The following PGM3 variants were observed in gnomAD, a reference collection of about 807,000 sequenced individuals.
The protein encoded by PGM3 is phosphoglucomutase 3.
In PGM3, 40 loss-of-function variants were observed where a neutral mutation model predicts 66.2. The ratio of observed to expected loss-of-function variants is 0.60; its 90% CI spans 0.47 to 0.79. PGM3 has a LOEUF of 0.79. PGM3 is among the 30% of genes least tolerant of loss of function. The pLI is 0.00. For missense variants in PGM3, 537 were observed against 643.4 expected, an observed-to-expected ratio of 0.83 and a Z score of 1.79; for synonymous variants, 191 against 224.2, an observed-to-expected ratio of 0.85 and a Z score of 1.32.
In PGM3 at chr6:83,182,923, C is replaced by A; in HGVS notation, c.513G>T (p.Thr171=). ...QLHYMVYCRN[T]GGRYGKATIE... is the part of the protein sequence containing the mutation. ...TAGTTGCCTTTCCATATCGGCCACCCGTGTTTCGACAATACACCATGTAGT... is the reference window on the plus strand; with the variant it reads ...TAGTTGCCTTTCCATATCGGCCACCAGTGTTTCGACAATACACCATGTAGT... The change falls in exon 5 of 13, where the codon ACG becomes ACT. Residue 171 remains threonine, a synonymous_variant. Transcript: ENST00000513973. 1 of 1,613,846 alleles carries A rather than the reference C, an allele frequency of 6.2e-7. No individual in the cohort carries two copies. Among genetic ancestry groups the A allele is most frequent in the Non-Finnish European group, 8.5e-7 (1 of 1,179,798 alleles).
At chr6:83,173,095 C>T (rs922973889) in intron 10 of PGM3, among the ~76,000 whole-genome samples, 1 of 152,168 alleles carries the variant, frequency 6.6e-6, no homozygotes, top group African/African-American at 2.4e-5. Flanking sequence ...CAAGATGTCA[C>T]ATTATATATA....
the PGM3 span, among the ~76,000 whole-genome samples, chr6:83,155,156 T>C: frequency 6.6e-6 from 1 of 152,014 alleles, no homozygotes; most frequent in Non-Finnish European, 1.5e-5. Context: ...ATTCCAGGAA[T>C]AGGGAACAAG....
intron 6 of PGM3, among the ~76,000 whole-genome samples, chr6:83,180,609 G>A (rs1788107756): frequency 6.6e-6 from 1 of 152,176 alleles, no homozygotes; most frequent in Non-Finnish European, 1.5e-5. Context: ...TCATAAGATT[G>A]ATGAAAGGAC....
chr6:83,162,253 TTTAC>T (rs1395655532), downstream of PGM3, among the ~76,000 whole-genome samples: 3 of 152,138 alleles, frequency 2.0e-5, no homozygotes, highest in South Asian at 2.1e-4. Flanking sequence ...GGATATTACT[TTTAC>T]TTACTTATGA....
intron 3 of PGM3, 61 bp from the exon 4 acceptor site, chr6:83,187,136 C>A: frequency 9.1e-7 from 1 of 1,094,386 alleles, no homozygotes; most frequent in South Asian, 1.3e-5. Flanking sequence ...GTTGCTGGTT[C>A]TGCAAGCAAA....
At chr6:83,179,504 T>C (rs1187079348) in intron 7 of PGM3, among the ~76,000 whole-genome samples, 4 of 152,108 alleles carry the variant, frequency 2.6e-5, no homozygotes, top group Non-Finnish European at 5.9e-5. Context: ...TATTAGAATT[T>C]AGGGCTTTTA....
At chr6:83,193,592 T>A (rs2128516068), upstream of PGM3, 1 of 151,956 alleles carries the variant, frequency 6.6e-6, no homozygotes. Flanking sequence ...TTCCTAGTGG[T>A]CTTGGCTAGG....
chr6:83,160,711 T>C (rs188358690), downstream of PGM3, among the ~76,000 whole-genome samples: 1 of 152,282 alleles, frequency 6.6e-6, no homozygotes, highest in East Asian at 1.9e-4. Context: ...TAAGATTGTT[T>C]TATCAAAATG....
rs529906310 is a variant in PGM3 at position 83,170,334 on chromosome 6, C to T, written c.1510G>A (p.Val504Ile). The T allele has an allele frequency of 6.9e-5, 112 of 1,614,136 alleles. No individual in the cohort carries two copies. The highest frequency in any genetic ancestry group is 3.1e-4 in the East Asian group (14 of 44,878). The change falls in exon 12 of 13, where the codon GTC becomes ATC. Residue 504 changes from valine to isoleucine, a missense_variant. Transcript: ENST00000513973. ...GAGTCTGCTTCTGCATATACTCGGA[C>T]GACATCTTCTGTACCAGAGGGCCGG... ...FVRPSGTEDV[V>I]RVYAEADSQE...
At chr6:83,174,909 G>A (rs905509443) in intron 9 of PGM3, among the ~76,000 whole-genome samples, 1 of 152,162 alleles carries the variant, frequency 6.6e-6, no homozygotes, top group African/African-American at 2.4e-5. Flanking sequence ...TTAAGGGGAT[G>A]AGCTAGGCAA....
chr6:83,171,256 A>G (rs1040363631), intron 11 of PGM3: 7 of 152,216 alleles, frequency 4.6e-5, no homozygotes, highest in African/African-American at 1.4e-4. Context: ...AGCTGGGTAC[A>G]CAAAAGTTCA....
chr6:83,151,462 T>C, the PGM3 span: 1 of 575,030 alleles, frequency 1.7e-6, no homozygotes, highest in East Asian at 3.0e-5. Flanking sequence ...TCATAGGATA[T>C]GTATATATAT....
chr6:83,162,863 C>A, downstream of PGM3: 1 of 1,613,414 alleles, frequency 6.2e-7, no homozygotes, highest in Non-Finnish European at 8.5e-7. Flanking sequence ...TATACATCAA[C>A]GAGAATTTAA....
chr6:83,188,419 C>A, intron 3 of PGM3, 195 bp downstream of exon 3: 1 of 504,886 alleles, frequency 2.0e-6, no homozygotes, highest in Non-Finnish European at 3.5e-6. Context: ...GGTTTTAAAC[C>A]AGAGTCAGAC....
chr6:83,183,112 A>G, intron 4 of PGM3, 134 bp from the exon 5 acceptor site: 2 of 775,528 alleles, frequency 2.6e-6, no homozygotes, highest in South Asian at 4.1e-5. Flanking sequence ...AAACATAAAA[A>G]TGATCTTAAA....
Position 83,168,941 on chromosome 6 carries a change from C to T in PGM3, c.*293G>A. ...TAAGATTTAATTTTCCAGTAGCCTG[C>T]ATGAATTGTTCCCCACATAAAACTG... On this transcript the variant is annotated 3_prime_UTR_variant, in exon 13 of 13. Coordinates refer to ENST00000513973, the MANE Select transcript of PGM3 (RefSeq NM_015599.3). 6.2e-6 allele frequency: 7 copies of T among 1,126,452 alleles called. No individual in the cohort carries two copies. The highest frequency in any genetic ancestry group is 7.6e-6 in the Non-Finnish European group (7 of 916,520). The allele number at this position is 1,126,452 out of a possible 1,614,324, so 69.8% of individuals were successfully genotyped here.
chr6:83,160,723 AGTT>A (rs1369206863), downstream of PGM3, among the ~76,000 whole-genome samples: 1 of 152,212 alleles, frequency 6.6e-6, no homozygotes. Flanking sequence ...ATCAAAATGT[AGTT>A]AAGGTAATAT....
intron 4 of PGM3, among the ~76,000 whole-genome samples, chr6:83,186,675 T>C (rs1245819482): frequency 6.6e-6 from 1 of 152,228 alleles, no homozygotes. Flanking sequence ...CTAATAATAT[T>C]GATAAAAGCT....
At chr6:83,162,758 T>C (rs780708325), downstream of PGM3, 2 of 1,585,022 alleles carry the variant, frequency 1.3e-6, no homozygotes, top group Non-Finnish European at 1.7e-6. Context: ...AAGTCTGTCT[T>C]ACTGATGCTG....
Sources: gnomAD v4.1 joint callset for allele counts (sites outside exome capture counted in the v4.1 genomes callset) on GRCh38, gnomAD v4.1.1 for gene constraint, MANE v1.5 for transcripts, NCBI Gene and HGNC (gene_info 2026-07-23, HGNC 2026-07-21) for gene names.